CRADD: variants seen among roughly 807,000 people sequenced by gnomAD.
The protein encoded by CRADD is CARD and death domain containing adaptor protein.
In CRADD, 9 loss-of-function variants were observed where a neutral mutation model predicts 15.5. The ratio of observed to expected loss-of-function variants is 0.58; its 90% CI spans 0.35 to 1.01. The LOEUF (loss-of-function observed/expected upper bound fraction) is 1.01. Ranked by LOEUF, CRADD falls within the 50% of genes least tolerant of loss-of-function variation. CRADD has a pLI of 0.02. For synonymous variants in CRADD, 118 were observed against 107.6 expected, an observed-to-expected ratio of 1.10 and a Z score of -0.60; for missense variants, 227 against 250.3, an observed-to-expected ratio of 0.91 and a Z score of 0.63.
chr12:93,860,392 C>G (rs1326037983), intron 2 of CRADD, among the ~76,000 whole-genome samples: 1 of 152,188 alleles, frequency 6.6e-6, no homozygotes, highest in Non-Finnish European at 1.5e-5. Context: ...GAAATTCATT[C>G]AAAGTGTACT....
rs1220153791 is a variant in CRADD at position 93,864,611 on chromosome 12, GC to G, written c.299-29437del. ...TAAAAGTGAGGGTCACTTGGCATTT[GC>G]CTCCTTGAAATGTAGCTCTCTGAGG... On this transcript the variant is annotated intron_variant, in intron 2 of 2. Coordinates refer to the CRADD transcript ENST00000548483. Among the ~76,000 whole-genome samples, 6 of 152,182 alleles carry G rather than the reference GC, an allele frequency of 3.9e-5. No homozygotes were observed. The South Asian group carries it at 1.2e-3, about 31-fold the overall frequency.
At chr12:93,724,899 T>C (rs1956326594) in intron 2 of CRADD, among the ~76,000 whole-genome samples, 1 of 151,914 alleles carries the variant, frequency 6.6e-6, no homozygotes. Flanking sequence ...CTCGCTCTGT[T>C]GCCCAGGCTG....
At chr12:93,774,545 G>T (rs1416543230) in intron 2 of CRADD, among the ~76,000 whole-genome samples, 2 of 152,156 alleles carry the variant, frequency 1.3e-5, no homozygotes, top group African/African-American at 4.8e-5. Flanking sequence ...TTTGGAATGT[G>T]AAGATGGGTT....
At chr12:93,833,349 A>T (rs1189580702) in intron 2 of CRADD, among the ~76,000 whole-genome samples, 1 of 151,960 alleles carries the variant, frequency 6.6e-6, no homozygotes, top group African/African-American at 2.4e-5. Flanking sequence ...ATTTATATTT[A>T]TTTTTTTGAG....
intron 2 of CRADD, among the ~76,000 whole-genome samples, chr12:93,744,130 C>T (rs903340785): frequency 6.6e-6 from 1 of 152,174 alleles, no homozygotes; most frequent in Non-Finnish European, 1.5e-5. Context: ...GGGTCAGAAG[C>T]TTGGCACAGG....
intron 2 of CRADD, among the ~76,000 whole-genome samples, chr12:93,889,385 T>C (rs1423639006): frequency 6.6e-6 from 1 of 152,158 alleles, no homozygotes; most frequent in African/African-American, 2.4e-5. Context: ...CTGACCACAC[T>C]GTAATTCCTC....
chr12:93,850,792 C>G (rs1410302817), downstream of CRADD: 1 of 913,374 alleles, frequency 1.1e-6, no homozygotes, highest in Non-Finnish European at 1.3e-6. The surrounding 1 kb of genome is among the most constrained non-coding windows in gnomAD (Gnocchi z 4.0). Flanking sequence ...TTTCTCATTC[C>G]TGTGTTGCAT....
intron 2 of CRADD, among the ~76,000 whole-genome samples, chr12:93,865,711 T>C (rs1325942861): frequency 6.6e-6 from 1 of 152,254 alleles, no homozygotes; most frequent in East Asian, 1.9e-4. Context: ...TATCCTCCTG[T>C]ATACTTTAAA....
At chr12:93,751,769 C>T (rs1468244541) in intron 2 of CRADD, among the ~76,000 whole-genome samples, 1 of 152,114 alleles carries the variant, frequency 6.6e-6, no homozygotes, top group East Asian at 1.9e-4. Context: ...GAGACTGAGG[C>T]CAGGGAATCA....
In CRADD at chr12:93,764,200, C is replaced by T. The variant is rs796720497; in HGVS notation, c.298+85128C>T. The stretch of plus-strand genomic sequence containing the variant: ...ATCAACTTTTTTTTTTTTTTTTTTG[C>T]TTAAGAACGATCACTCTGGCTGCTC... On this transcript the variant is annotated intron_variant, in intron 2 of 2. Transcript: ENST00000332896. 7.0e-3 allele frequency among the ~76,000 whole-genome samples: 447 copies of T among 63,834 alleles called. 1 individual carries two copies. The highest frequency in any genetic ancestry group is 0.015 in the African/African-American group (303 of 20,050). 41.9% of individuals were successfully genotyped at this position (63,834 alleles called of 152,430 possible).
downstream of CRADD, among the ~76,000 whole-genome samples, chr12:93,853,814 C>T (rs943257619): frequency 2.0e-5 from 3 of 152,202 alleles, no homozygotes; most frequent in African/African-American, 4.8e-5. Flanking sequence ...TGATAGTCTA[C>T]GTGTTGCCAC....
intron 2 of CRADD, among the ~76,000 whole-genome samples, chr12:93,699,802 G>A (rs1339244863): frequency 6.6e-6 from 1 of 152,166 alleles, no homozygotes; most frequent in Non-Finnish European, 1.5e-5. Flanking sequence ...AGTGCTGTGG[G>A]CTCTAAAAGG....
At chr12:93,872,994 G>A (rs2137067608) in intron 2 of CRADD, among the ~76,000 whole-genome samples, 1 of 152,022 alleles carries the variant, frequency 6.6e-6, no homozygotes, top group South Asian at 2.1e-4. Context: ...AGATTGCTTT[G>A]GGTAGTATGA....
At chr12:93,786,999 G>A (rs1957285049) in intron 2 of CRADD, among the ~76,000 whole-genome samples, 2 of 152,136 alleles carry the variant, frequency 1.3e-5, no homozygotes, top group African/African-American at 2.4e-5. Flanking sequence ...ATTGCAGTTT[G>A]TGCAAATTGT....
At chr12:93,690,527 A>G (rs923668148) in intron 2 of CRADD, among the ~76,000 whole-genome samples, 1 of 152,232 alleles carries the variant, frequency 6.6e-6, no homozygotes, top group Admixed American at 6.5e-5. Flanking sequence ...TTGAGAATGT[A>G]GATGTAAAGA....
intron 2 of CRADD, among the ~76,000 whole-genome samples, chr12:93,682,358 C>A (rs1955330954): frequency 6.6e-6 from 1 of 152,194 alleles, no homozygotes; most frequent in Non-Finnish European, 1.5e-5. Flanking sequence ...CTCTTCCTAC[C>A]TTTTCCTCAT....
intron 2 of CRADD, among the ~76,000 whole-genome samples, chr12:93,869,635 A>G (rs1375394693): frequency 6.6e-6 from 1 of 152,206 alleles, no homozygotes; most frequent in Admixed American, 6.5e-5. Context: ...TGAAAAATAC[A>G]ATACCTGAAA....
intron 2 of CRADD, among the ~76,000 whole-genome samples, chr12:93,865,901 T>C (rs1419457132): frequency 6.6e-6 from 1 of 152,216 alleles, no homozygotes; most frequent in African/African-American, 2.4e-5. Context: ...AGAGCTTATA[T>C]GTCTGGAAAA....
chr12:93,792,157 C>G (rs928194512), intron 2 of CRADD, among the ~76,000 whole-genome samples: 2 of 152,060 alleles, frequency 1.3e-5, no homozygotes, highest in Non-Finnish European at 2.9e-5. Context: ...GAGAATAACT[C>G]ATTTTTGAAA....
Sources: allele counts gnomAD v4.1 joint callset (sites outside exome capture counted in the v4.1 genomes callset), GRCh38; gene constraint gnomAD v4.1.1; non-coding constraint Gnocchi (gnomAD v3.1); transcripts MANE v1.5; gene names NCBI Gene and HGNC (gene_info 2026-07-23, HGNC 2026-07-21).